Variants in DOCK3 observed in about 807,000 individuals in gnomAD.
The protein encoded by DOCK3 is dedicator of cytokinesis 3, also known as dedicator of cytokinesis protein 3.
A neutral mutation model predicts 265.6 loss-of-function variants in DOCK3; 60 were observed. That is an observed-to-expected ratio of 0.23 (90% CI 0.18 to 0.28). The LOEUF (loss-of-function observed/expected upper bound fraction) is 0.28. Ranked by LOEUF, DOCK3 falls within the 10% of genes least tolerant of loss-of-function variation. The pLI, the probability that DOCK3 is intolerant of heterozygous loss-of-function variation, is 1.00. For synonymous variants in DOCK3, 881 were observed against 938.0 expected (o/e 0.94, Z 1.11); for missense variants, 1,981 against 2,594.3 (o/e 0.76, Z 5.14).
At chr3:51,214,932 AT>A (rs1244015792) in intron 14 of DOCK3, among the ~76,000 whole-genome samples, 2 of 152,166 alleles carry the variant, frequency 1.3e-5, no homozygotes, top group African/African-American at 4.8e-5. Context: ...GTGGATCCAA[AT>A]GGGATATCAG....
intron 22 of DOCK3, among the ~76,000 whole-genome samples, chr3:51,254,680 G>A (rs976424872): frequency 3.9e-5 from 6 of 152,030 alleles, no homozygotes; most frequent in African/African-American, 1.2e-4. Context: ...TCAGAGACTA[G>A]GATTGCAACC....
intron 12 of DOCK3, among the ~76,000 whole-genome samples, chr3:51,171,187 T>C (rs2086659679): frequency 1.3e-5 from 2 of 152,166 alleles, no homozygotes; most frequent in Admixed American, 1.3e-4. Flanking sequence ...TGTAAATGTT[T>C]CTCTGAGAAC....
At chr3:51,230,736 C>T (rs1189057678) in intron 19 of DOCK3, among the ~76,000 whole-genome samples, 8 of 152,102 alleles carry the variant, frequency 5.3e-5, no homozygotes, top group Admixed American at 6.5e-5. Flanking sequence ...AGGATGGTCT[C>T]GATCCCTTGA....
At chr3:51,201,006 A>C (rs540128281) in intron 12 of DOCK3, among the ~76,000 whole-genome samples, 1 of 152,284 alleles carries the variant, frequency 6.6e-6, no homozygotes, top group East Asian at 1.9e-4. Context: ...GCCTGCCCTA[A>C]AAGAGCTCCT....
chr3:51,118,809 T>G (rs78048674), intron 9 of DOCK3, among the ~76,000 whole-genome samples: 2 of 152,148 alleles, frequency 1.3e-5, no homozygotes, highest in East Asian at 1.9e-4. Flanking sequence ...TTTTTTTTTT[T>G]GCTTTCCATT....
chr3:50,833,181 C>T (rs982512568), intron 2 of DOCK3, among the ~76,000 whole-genome samples: 122 of 152,142 alleles, frequency 8.0e-4, no homozygotes, highest in African/African-American at 2.9e-3. Flanking sequence ...TTCTGAGCAG[C>T]AGTCAGAGAT....
At chr3:51,257,535 G>A (rs2079614151) in intron 22 of DOCK3, among the ~76,000 whole-genome samples, 1 of 152,146 alleles carries the variant, frequency 6.6e-6, no homozygotes, top group Non-Finnish European at 1.5e-5. Flanking sequence ...GGGTGTCATT[G>A]TGGGTTTTAG....
chr3:50,718,160 C>T (rs2037245942), intron 1 of DOCK3, among the ~76,000 whole-genome samples: 1 of 152,096 alleles, frequency 6.6e-6, no homozygotes, highest in Non-Finnish European at 1.5e-5. Flanking sequence ...ACCTTTATAT[C>T]CTGTCACTCT....
chr3:51,016,670 T>A (rs1405440442), intron 5 of DOCK3, among the ~76,000 whole-genome samples: 1 of 47,396 alleles, frequency 2.1e-5, no homozygotes, highest in Non-Finnish European at 3.9e-5. Context: ...TATTATATGA[T>A]ATATATTTAT....
chr3:50,823,211 G>A (rs529064059), intron 2 of DOCK3, among the ~76,000 whole-genome samples: 1 of 151,838 alleles, frequency 6.6e-6, no homozygotes, highest in Non-Finnish European at 1.5e-5. Flanking sequence ...TGCAGAGGGG[G>A]ATTTGGCAGG....
chr3:51,348,936 C>G lies in DOCK3; in HGVS notation c.4000C>G (p.Arg1334Gly). ...LYDYQSLSWIRKMEASYYDNI... is the reference protein window; with the variant it reads ...LYDYQSLSWIGKMEASYYDNI... ...TGATTACCAGAGCCTCAGCTGGATT[C>G]GGGTGAGCTGTGCCCCTCCCCCCAC... is the stretch of plus-strand genomic sequence containing the variant. The change falls in exon 39 of 53, where the codon CGG (arginine) becomes GGG (glycine). Residue 1334 changes from arginine (R) to glycine (G), a missense_variant and splice_region_variant. Arg to Gly is a moderately radical substitution (Grantham distance 125). This residue lies in a region of DOCK3 where 1,357 missense variants were observed against 1,866.8 expected (regional missense o/e 0.73). Transcript: ENST00000266037. The G allele has an allele frequency of 6.4e-7, 1 of 1,566,802 alleles. No individual in the cohort carries two copies. Among genetic ancestry groups the G allele is most frequent in the Non-Finnish European group, 8.7e-7 (1 of 1,155,832 alleles).
intron 5 of DOCK3, among the ~76,000 whole-genome samples, chr3:51,008,001 A>T (rs536526554): frequency 6.6e-6 from 1 of 152,236 alleles, no homozygotes; most frequent in African/African-American, 2.4e-5. Flanking sequence ...TGGTACCAGT[A>T]TCATGTTGTT....
chr3:51,036,649 A>T (rs2080280617), intron 5 of DOCK3, among the ~76,000 whole-genome samples: 1 of 151,482 alleles, frequency 6.6e-6, no homozygotes, highest in Non-Finnish European at 1.5e-5. Flanking sequence ...ATTTCTCTTT[A>T]CTTTAGATGT....
Position 51,374,477 on chromosome 3 carries a change from T to C in DOCK3, c.5302T>C (p.Ser1768Pro), listed in dbSNP as rs760923799. Residue 1768 changes from serine to proline, a missense_variant, in exon 50 of 53, where the codon TCT (serine) becomes CCT (proline). Physicochemically the swap from Ser to Pro is moderately conservative, Grantham distance 74. This residue lies in a region of DOCK3 where 1,357 missense variants were observed against 1,866.8 expected (regional missense o/e 0.73). Coordinates refer to ENST00000266037, the MANE Select transcript of DOCK3 (RefSeq NM_004947.5). The surrounding 1 kb of genome is among the most constrained non-coding windows in gnomAD (Gnocchi z 4.8). ...SAPSSARGSP[S>P]LPDKYRHARE... ...TTCTCACTTGGTTACAGGCTCTCCC[T>C]CTCTGCCAGATAAGTACCGCCATGC... 1 of 1,613,120 alleles carries C rather than the reference T, an allele frequency of 6.2e-7. No individual in the cohort carries two copies. Among genetic ancestry groups the C allele is most frequent in the Admixed American group, 1.7e-5 (1 of 59,968 alleles).
At chr3:51,085,097 G>C in intron 7 of DOCK3, among the ~76,000 whole-genome samples, 1 of 152,196 alleles carries the variant, frequency 6.6e-6, no homozygotes, top group Non-Finnish European at 1.5e-5. Context: ...ATTATGTAAT[G>C]ATAAAGGGAT....
chr3:51,315,261 GT>G, intron 32 of DOCK3, 133 bp downstream of exon 32: 1 of 1,181,010 alleles, frequency 8.5e-7, no homozygotes, highest in Non-Finnish European at 1.1e-6. Flanking sequence ...CTGTTCAAGG[GT>G]TTTCCCTTAC....
intron 5 of DOCK3, among the ~76,000 whole-genome samples, chr3:50,938,459 G>C (rs62257824): frequency 6.6e-6 from 1 of 151,990 alleles, no homozygotes. Flanking sequence ...AATAAAATCA[G>C]GATACAGATT....
chr3:51,097,187 C>T (rs1210100548), intron 9 of DOCK3, among the ~76,000 whole-genome samples: 1 of 152,216 alleles, frequency 6.6e-6, no homozygotes, highest in Non-Finnish European at 1.5e-5. Context: ...GCATTTAAGT[C>T]TGCTGAAGCT....
At chr3:51,157,819 A>G (rs1012798454) in intron 10 of DOCK3, among the ~76,000 whole-genome samples, 4 of 90,818 alleles carry the variant, frequency 4.4e-5, no homozygotes, top group Admixed American at 1.7e-4. Context: ...TTTTTTTTTG[A>G]GACGGAGTCT....
Sources: gnomAD v4.1 joint callset for allele counts (sites outside exome capture counted in the v4.1 genomes callset) on GRCh38, gnomAD v4.1.1 for gene constraint, gnomAD v4.1.1 regional missense constraint, Gnocchi (gnomAD v3.1) non-coding constraint, MANE v1.5 for transcripts, NCBI Gene and HGNC (gene_info 2026-07-23, HGNC 2026-07-21) for gene names.